GFPT1: variants seen among roughly 807,000 people sequenced by gnomAD.
GFPT1 encodes glutamine--fructose-6-phosphate aminotransferase [isomerizing] 1.
GFPT1 carries 40 observed loss-of-function variants against 92.0 expected under a neutral mutation model. The ratio of observed to expected loss-of-function variants is 0.43; its 90% CI spans 0.34 to 0.57. The LOEUF is 0.57. GFPT1 is among the 20% of genes least tolerant of loss of function. GFPT1 has a pLI of 0.02. For synonymous variants in GFPT1, 269 were observed against 280.6 expected, an observed-to-expected ratio of 0.96 and a Z score of 0.41; for missense variants, 448 against 869.1, an observed-to-expected ratio of 0.52 and a Z score of 6.09.
Position 69,326,862 on chromosome 2 carries a change from T to A in GFPT1, c.2055+52A>T, listed in dbSNP as rs573059210. 1.3e-5 allele frequency: 20 copies of A among 1,538,810 alleles called. No individual in the cohort carries two copies. The South Asian group carries it at 2.1e-4, about 16-fold the overall frequency. On this transcript the variant is annotated intron_variant, in intron 19 of 19. Transcript: ENST00000357308. ...AAAATTTAGGAGAAAAAAATCAGAA[T>A]GTATCCAGGTAAAAAACCATCCCAA... is the stretch of plus-strand genomic sequence containing the variant.
chr2:69,334,429 G>C (rs1248928710), intron 15 of GFPT1, among the ~76,000 whole-genome samples: 1 of 151,872 alleles, frequency 6.6e-6, no homozygotes, highest in African/African-American at 2.4e-5. Flanking sequence ...TTCTTATATA[G>C]GTGGTAACCA....
intron 1 of GFPT1, among the ~76,000 whole-genome samples, chr2:69,383,785 C>A (rs180924406): frequency 1.3e-5 from 2 of 152,164 alleles, no homozygotes; most frequent in African/African-American, 2.4e-5. Context: ...GCCACTACGC[C>A]CGGCTAATTT....
At chr2:69,366,678 T>A (rs1472160929) in intron 3 of GFPT1, among the ~76,000 whole-genome samples, 1 of 152,254 alleles carries the variant, frequency 6.6e-6, no homozygotes, top group African/African-American at 2.4e-5. Flanking sequence ...ATTTCCACTT[T>A]ACTCAGCTTT....
intron 2 of GFPT1, among the ~76,000 whole-genome samples, chr2:69,373,436 GT>G (rs1671798391): frequency 6.6e-6 from 1 of 152,144 alleles, no homozygotes; most frequent in African/African-American, 2.4e-5. Flanking sequence ...AGGCAACATA[GT>G]GAGACTCTCG....
At chr2:69,335,370 A>G (rs1670770462) in intron 15 of GFPT1, among the ~76,000 whole-genome samples, 1 of 152,198 alleles carries the variant, frequency 6.6e-6, no homozygotes, top group African/African-American at 2.4e-5. Context: ...ATGTTGAGGC[A>G]AATTAAAGTT....
chr2:69,358,285 G>A, intron 6 of GFPT1, 44 bp downstream of exon 6: 1 of 1,540,892 alleles, frequency 6.5e-7, no homozygotes. Flanking sequence ...AAGTTTCTCA[G>A]CATTAATGTT....
rs545868528 is a variant in GFPT1, at chr2:69,358,081, A to G, written c.543+248T>C. On this transcript the variant is annotated intron_variant, in intron 6 of 19. Coordinates refer to ENST00000357308, the MANE Select transcript of GFPT1 (RefSeq NM_001244710.2). ...GCATATATGCATAGTTTTTAGACACACTGATTTTGGATTAATTTTCATTTT... is the reference window on the plus strand; with the variant it reads ...GCATATATGCATAGTTTTTAGACACGCTGATTTTGGATTAATTTTCATTTT... Among the ~76,000 whole-genome samples the G allele has an allele frequency of 1.1e-4, 16 of 152,268 alleles. No individual in the cohort carries two copies. The South Asian group carries it at 3.3e-3, about 32-fold the overall frequency.
chr2:69,344,565 T>C (rs149441823), intron 12 of GFPT1, among the ~76,000 whole-genome samples: 1 of 152,220 alleles, frequency 6.6e-6, no homozygotes, highest in East Asian at 1.9e-4. Context: ...AAAGCCTCAA[T>C]CTCCTCATCC....
chr2:69,361,545 T>G (rs576654295), intron 4 of GFPT1, among the ~76,000 whole-genome samples: 2 of 151,454 alleles, frequency 1.3e-5, no homozygotes, highest in South Asian at 2.1e-4. Flanking sequence ...CAAAACATAA[T>G]CTAGATGTAA....
chr2:69,372,831 G>A (rs538035411), intron 2 of GFPT1, among the ~76,000 whole-genome samples: 4 of 152,244 alleles, frequency 2.6e-5, no homozygotes, highest in East Asian at 3.9e-4. Flanking sequence ...AACACAGCAG[G>A]TGTGAAACTG....
chr2:69,387,020 C>A (rs958295266), intron 1 of GFPT1, 45 bp downstream of exon 1: 2 of 1,442,362 alleles, frequency 1.4e-6, no homozygotes, highest in Admixed American at 3.9e-5. Flanking sequence ...CGCACCGCAC[C>A]CCAGCGCCAC....
intron 13 of GFPT1, among the ~76,000 whole-genome samples, chr2:69,341,710 TA>T (rs528618023): frequency 9.4e-5 from 14 of 148,354 alleles, no homozygotes; most frequent in African/African-American, 9.9e-5. Flanking sequence ...AAATCTGATT[TA>T]AAAAAAAAAG....
intron 6 of GFPT1, among the ~76,000 whole-genome samples, chr2:69,357,030 C>G (rs1173919149): frequency 6.6e-6 from 1 of 152,194 alleles, no homozygotes. Context: ...CACGCGCAGC[C>G]AAGACCCACT....
At chr2:69,339,543 C>T (rs1334728045) in intron 13 of GFPT1, among the ~76,000 whole-genome samples, 2 of 152,188 alleles carry the variant, frequency 1.3e-5, no homozygotes, top group African/African-American at 4.8e-5. Context: ...AAACTTTAAG[C>T]TCAACCAATG....
chr2:69,385,203 CAT>C (rs1672103706), intron 1 of GFPT1, among the ~76,000 whole-genome samples: 1 of 152,070 alleles, frequency 6.6e-6, no homozygotes, highest in South Asian at 2.1e-4. Context: ...ACCTGATTTC[CAT>C]ATCTGATTTA....
At chr2:69,362,065 T>A (rs1207845717) in intron 4 of GFPT1, among the ~76,000 whole-genome samples, 1 of 152,168 alleles carries the variant, frequency 6.6e-6, no homozygotes, top group Non-Finnish European at 1.5e-5. Flanking sequence ...TTATTTTTTT[T>A]AAATGAAAGA....
At chr2:69,332,533 G>A (rs1462109747) in intron 15 of GFPT1, among the ~76,000 whole-genome samples, 1 of 151,920 alleles carries the variant, frequency 6.6e-6, no homozygotes, top group Non-Finnish European at 1.5e-5. Context: ...GGCCAGGCTG[G>A]TCTTGAACTC....
chr2:69,337,803 G>A (rs1670837708), intron 15 of GFPT1, 95 bp downstream of exon 15: 1 of 997,676 alleles, frequency 1.0e-6, no homozygotes, highest in Non-Finnish European at 1.6e-6. Flanking sequence ...TTCTATAACT[G>A]CTAACAAAAA....
chr2:69,335,854 CTACAAAAAAA>C (rs1670780733), intron 15 of GFPT1, among the ~76,000 whole-genome samples: 1 of 151,830 alleles, frequency 6.6e-6, no homozygotes, highest in South Asian at 2.1e-4. Context: ...AACTCCGTCT[CTACAAAAAAA>C]TACAAAAATT....
Sources: gnomAD v4.1 joint callset for allele counts (sites outside exome capture counted in the v4.1 genomes callset) on GRCh38, gnomAD v4.1.1 for gene constraint, MANE v1.5 for transcripts, NCBI Gene and HGNC (gene_info 2026-07-23, HGNC 2026-07-21) for gene names.